SCHIP1: variants seen among roughly 807,000 people sequenced by gnomAD.
SCHIP1 encodes schwannomin interacting protein 1.
Under a neutral mutation model 29.7 loss-of-function variants are expected in SCHIP1, and 8 were observed. The observed-to-expected ratio is 0.27, with a 90% confidence interval of 0.16 to 0.49. The LOEUF (loss-of-function observed/expected upper bound fraction) is 0.49. SCHIP1 is among the 20% of genes least tolerant of loss of function. SCHIP1 has a pLI of 0.99. For synonymous variants in SCHIP1, 76 were observed against 94.9 expected (o/e 0.80, Z 1.16); for missense variants, 193 against 294.6 (o/e 0.66, Z 2.52).
At chr3:159,356,711 T>C in the SCHIP1 span, among the ~76,000 whole-genome samples, 2 of 152,220 alleles carry the variant, frequency 1.3e-5, no homozygotes, top group Non-Finnish European at 2.9e-5. Context: ...CAAAGATGCC[T>C]AATTTACTCT....
the SCHIP1 span, among the ~76,000 whole-genome samples, chr3:159,666,219 T>G: frequency 6.6e-6 from 1 of 152,182 alleles, no homozygotes; most frequent in East Asian, 1.9e-4. Context: ...CTCCATAGAT[T>G]GCAAAGTGAA....
the SCHIP1 span, among the ~76,000 whole-genome samples, chr3:159,522,639 G>A: frequency 1.3e-5 from 2 of 152,192 alleles, no homozygotes; most frequent in Non-Finnish European, 2.9e-5. Flanking sequence ...AGGAGGCGGA[G>A]GCGGGCAGAT....
At chr3:159,458,019 C>T in the SCHIP1 span, among the ~76,000 whole-genome samples, 2 of 152,262 alleles carry the variant, frequency 1.3e-5, no homozygotes, top group South Asian at 2.1e-4. Context: ...TCAAAACTGG[C>T]TTAGCAATTA....
At chr3:159,704,915 T>TC in the SCHIP1 span, among the ~76,000 whole-genome samples, 1 of 135,906 alleles carries the variant, frequency 7.4e-6, no homozygotes, top group African/African-American at 3.2e-5. Context: ...TTTATTTCTT[T>TC]CTTTCTTTCT....
chr3:159,750,563 GATGTGGAAT>G, the SCHIP1 span, among the ~76,000 whole-genome samples: 6 of 152,068 alleles, frequency 3.9e-5, no homozygotes, highest in African/African-American at 1.2e-4. Flanking sequence ...TGCCAGGTAG[GATGTGGAAT>G]CAGATAGTCT....
the SCHIP1 span, among the ~76,000 whole-genome samples, chr3:159,584,215 T>C: frequency 1.2e-4 from 19 of 152,300 alleles, no homozygotes; most frequent in Admixed American, 9.2e-4. Flanking sequence ...TCTAGGGGAT[T>C]TGTTGGCTCC....
At chr3:159,302,548 G>A in the SCHIP1 span, among the ~76,000 whole-genome samples, 2 of 152,098 alleles carry the variant, frequency 1.3e-5, no homozygotes, top group Non-Finnish European at 2.9e-5. Flanking sequence ...TCCAAAAGGG[G>A]ATTTATTTAA....
the SCHIP1 span, among the ~76,000 whole-genome samples, chr3:159,808,943 G>A: frequency 6.6e-6 from 1 of 150,440 alleles, no homozygotes; most frequent in African/African-American, 2.5e-5. Flanking sequence ...GGCAATGAGA[G>A]TGAAACTCCG....
intron 1 of SCHIP1, among the ~76,000 whole-genome samples, chr3:159,844,794 C>T (rs1351326184): frequency 6.6e-6 from 1 of 152,154 alleles, no homozygotes; most frequent in East Asian, 1.9e-4. Flanking sequence ...CAATGACATG[C>T]TTTCATACCT....
chr3:159,802,848 A>G, the SCHIP1 span, among the ~76,000 whole-genome samples: 1 of 152,190 alleles, frequency 6.6e-6, no homozygotes, highest in Non-Finnish European at 1.5e-5. Context: ...GGAGGTCAGG[A>G]GTCTTAAGGC....
chr3:159,538,572 A>G, the SCHIP1 span, among the ~76,000 whole-genome samples: 8 of 152,194 alleles, frequency 5.3e-5, no homozygotes, highest in Middle Eastern at 3.2e-3. Flanking sequence ...AGCTACAGAA[A>G]TATTTCATAG....
the SCHIP1 span, among the ~76,000 whole-genome samples, chr3:159,335,218 C>T: frequency 3.7e-3 from 564 of 152,228 alleles, 3 homozygotes; most frequent in Middle Eastern, 0.051. Flanking sequence ...TGAAAACTGC[C>T]AAACCATTTT....
chr3:159,277,154 A>G, the SCHIP1 span, among the ~76,000 whole-genome samples: 3 of 152,268 alleles, frequency 2.0e-5, no homozygotes, highest in East Asian at 5.8e-4. Flanking sequence ...ATGGCAGGAA[A>G]AAAAAACCCC....
chr3:159,614,002 G>T, the SCHIP1 span, among the ~76,000 whole-genome samples: 1 of 152,102 alleles, frequency 6.6e-6, no homozygotes, highest in Non-Finnish European at 1.5e-5. Context: ...AAGCGCATAC[G>T]TATTTAACCT....
the SCHIP1 span, among the ~76,000 whole-genome samples, chr3:159,545,061 T>C: frequency 6.6e-6 from 1 of 152,094 alleles, no homozygotes; most frequent in Non-Finnish European, 1.5e-5. Context: ...CAATTGAATA[T>C]GGATATATAG....
At chr3:159,840,060 A>T in exon 1 of SCHIP1, 27 of 1,498,250 alleles carry the variant, frequency 1.8e-5, no homozygotes, top group Non-Finnish European at 2.4e-5. Context: ...CATCCATTTT[A>T]ATCTGCGGGG....
the SCHIP1 span, among the ~76,000 whole-genome samples, chr3:159,531,312 T>G: frequency 6.6e-6 from 1 of 152,220 alleles, no homozygotes; most frequent in South Asian, 2.1e-4. Flanking sequence ...ACACCTGGGA[T>G]GCCTGTCTGC....
At chr3:159,542,989 G>T in the SCHIP1 span, among the ~76,000 whole-genome samples, 4 of 151,646 alleles carry the variant, frequency 2.6e-5, no homozygotes, top group African/African-American at 4.8e-5. Context: ...TATTCCAAGC[G>T]CCAGGAACTA....
the SCHIP1 span, among the ~76,000 whole-genome samples, chr3:159,447,394 G>A: frequency 2.0e-5 from 3 of 152,134 alleles, no homozygotes. Flanking sequence ...GCTAAGAGTA[G>A]GAAATAGAGT....
Sources: allele counts gnomAD v4.1 joint callset (sites outside exome capture counted in the v4.1 genomes callset), GRCh38; gene constraint gnomAD v4.1.1; transcripts MANE v1.5; gene names NCBI Gene and HGNC (gene_info 2026-07-23, HGNC 2026-07-21).